CXCL13: variants seen among roughly 807,000 people sequenced by gnomAD.
The protein encoded by CXCL13 is C-X-C motif chemokine 13.
Under a neutral mutation model 12.2 loss-of-function variants are expected in CXCL13, and 7 were observed. The observed-to-expected ratio is 0.57, with a 90% CI of 0.33 to 1.07. The LOEUF (loss-of-function observed/expected upper bound fraction) is 1.07, where lower values mean the gene tolerates loss of function less well. Ranked by LOEUF, CXCL13 falls within the 50% of genes least tolerant of loss-of-function variation. The probability of loss-of-function intolerance (pLI) is 0.04; values close to 1 mark genes in which losing one functional copy is unlikely to be tolerated. For synonymous variants in CXCL13, 47 were observed against 42.4 expected (o/e 1.11, Z -0.42); for missense variants, 113 against 127.4 (o/e 0.89, Z 0.55).
intron 1 of CXCL13, among the ~76,000 whole-genome samples, chr4:77,559,182 CTAGA>C (rs1360078804): frequency 6.6e-6 from 1 of 152,146 alleles, no homozygotes; most frequent in Non-Finnish European, 1.5e-5. Context: ...GAAGCAGACT[CTAGA>C]TAAAGACTAT....
intron 1 of CXCL13, among the ~76,000 whole-genome samples, chr4:77,594,263 T>C (rs1280360548): frequency 2.0e-5 from 3 of 152,084 alleles, no homozygotes. Flanking sequence ...TTCAAGTCCA[T>C]AGAGGTCCAG....
intron 1 of CXCL13, among the ~76,000 whole-genome samples, chr4:77,584,656 G>T (rs894402238): frequency 5.3e-5 from 8 of 152,196 alleles, no homozygotes; most frequent in Non-Finnish European, 8.8e-5. Context: ...GGAGTGAGCT[G>T]AGTTGGGAGA....
chr4:77,584,913 C>T (rs533744379), intron 1 of CXCL13, among the ~76,000 whole-genome samples: 2 of 152,302 alleles, frequency 1.3e-5, no homozygotes, highest in Non-Finnish European at 2.9e-5. Flanking sequence ...ATTACCCCAA[C>T]CCTAAGGCCA....
intron 2 of CXCL13, among the ~76,000 whole-genome samples, chr4:77,610,178 T>C (rs7686447): frequency 0.11 from 16,214 of 152,196 alleles, 1,066 homozygotes; most frequent in South Asian, 0.23. Context: ...ACTGAATTTT[T>C]TTTTTTCAGT....
At chr4:77,597,865 G>A (rs1290487933) in intron 1 of CXCL13, among the ~76,000 whole-genome samples, 1 of 152,202 alleles carries the variant, frequency 6.6e-6, no homozygotes, top group Admixed American at 6.5e-5. Flanking sequence ...TCAATGAAAT[G>A]AAAAGACTAG....
intron 1 of CXCL13, among the ~76,000 whole-genome samples, chr4:77,546,703 T>C (rs1409847064): frequency 6.6e-6 from 1 of 152,212 alleles, no homozygotes; most frequent in African/African-American, 2.4e-5. Flanking sequence ...CCTGGATTCA[T>C]TGATGTTTTG....
intron 1 of CXCL13, among the ~76,000 whole-genome samples, chr4:77,523,270 G>A (rs540197489): frequency 2.0e-5 from 3 of 152,098 alleles, no homozygotes; most frequent in Non-Finnish European, 4.4e-5. Flanking sequence ...TGCTATGTTG[G>A]GGAAGTTCTC....
chr4:77,586,517 C>T (rs1027206913), intron 1 of CXCL13, among the ~76,000 whole-genome samples: 49 of 152,226 alleles, frequency 3.2e-4, no homozygotes, highest in African/African-American at 1.0e-3. Flanking sequence ...CAGTATGCAT[C>T]GATGATTTAG....
intron 1 of CXCL13, among the ~76,000 whole-genome samples, chr4:77,547,997 A>G (rs533518473): frequency 2.0e-5 from 3 of 152,152 alleles, no homozygotes; most frequent in Non-Finnish European, 4.4e-5. Flanking sequence ...TATGAAGCTT[A>G]GTTTGGCTGG....
intron 1 of CXCL13, among the ~76,000 whole-genome samples, chr4:77,558,725 C>T (rs565113592): frequency 2.6e-5 from 4 of 151,902 alleles, no homozygotes; most frequent in African/African-American, 7.2e-5. Context: ...CTGCAATGTT[C>T]CCATACCACG....
intron 1 of CXCL13, among the ~76,000 whole-genome samples, chr4:77,599,497 G>A (rs535355271): frequency 6.6e-6 from 1 of 152,358 alleles, no homozygotes; most frequent in East Asian, 1.9e-4. Flanking sequence ...ATCCACAGAT[G>A]TGAAACCCTA....
intron 1 of CXCL13, among the ~76,000 whole-genome samples, chr4:77,556,285 T>A (rs1278937209): frequency 6.6e-6 from 1 of 152,178 alleles, no homozygotes; most frequent in East Asian, 1.9e-4. Context: ...GACAACAGAC[T>A]ATTGATATAC....
At chr4:77,566,687 G>A (rs1249815039) in intron 1 of CXCL13, among the ~76,000 whole-genome samples, 3 of 151,990 alleles carry the variant, frequency 2.0e-5, no homozygotes, top group Non-Finnish European at 4.4e-5. Context: ...AGAGCCTCCT[G>A]TCCCCTCACC....
chr4:77,577,667 G>A (rs569789886), intron 1 of CXCL13, among the ~76,000 whole-genome samples: 3 of 152,178 alleles, frequency 2.0e-5, no homozygotes, highest in Non-Finnish European at 4.4e-5. Context: ...ATGAGTGAAA[G>A]CCACTTTGAT....
At chr4:77,591,306 C>T (rs1331505081) in intron 1 of CXCL13, among the ~76,000 whole-genome samples, 1 of 151,966 alleles carries the variant, frequency 6.6e-6, no homozygotes, top group Non-Finnish European at 1.5e-5. Flanking sequence ...AATCCCAGCA[C>T]CTTGGGAGGC....
At chr4:77,528,756 T>C (rs1056069038) in intron 1 of CXCL13, among the ~76,000 whole-genome samples, 8 of 152,228 alleles carry the variant, frequency 5.3e-5, no homozygotes, top group African/African-American at 1.9e-4. Flanking sequence ...GTAGTTTCCT[T>C]TGCTGTGCAG....
chr4:77,605,871 G>A lies in CXCL13; in HGVS notation c.6G>A (p.Lys2=). M[K]FISTSLLLML... is the part of the protein sequence containing the mutation. Reference sequence around the variant, plus strand: ...GAACTCTACCTCCAGACAGAATGAAGTTCATCTCGACATCTCTGCTTCTCA... The same window carrying A: ...GAACTCTACCTCCAGACAGAATGAAATTCATCTCGACATCTCTGCTTCTCA... Residue 2 remains lysine, a synonymous_variant, in exon 1 of 4, where the codon AAG becomes AAA. Transcript: ENST00000682537. The A allele has an allele frequency of 6.2e-7, 1 of 1,605,532 alleles. No homozygotes were observed.
intron 1 of CXCL13, among the ~76,000 whole-genome samples, chr4:77,592,358 A>T (rs1341147052): frequency 6.6e-6 from 1 of 152,140 alleles, no homozygotes; most frequent in Non-Finnish European, 1.5e-5. Context: ...TCTCACTTAC[A>T]TGTGGAATCT....
At chr4:77,535,631 C>G (rs1169920847) in intron 1 of CXCL13, among the ~76,000 whole-genome samples, 1 of 148,696 alleles carries the variant, frequency 6.7e-6, no homozygotes, top group African/African-American at 2.6e-5. Context: ...GTGATACTCA[C>G]TATTGGAACC....
Sources: gnomAD v4.1 joint callset for allele counts (sites outside exome capture counted in the v4.1 genomes callset) on GRCh38, gnomAD v4.1.1 for gene constraint, MANE v1.5 for transcripts, NCBI Gene and HGNC (gene_info 2026-07-23, HGNC 2026-07-21) for gene names.